Variants in MAP3K15 observed in about 807,000 individuals in gnomAD.
The protein encoded by MAP3K15 is MAPK/ERK kinase kinase 15.
Under a neutral mutation model 99.5 loss-of-function variants are expected in MAP3K15, and 124 were observed. The ratio of observed to expected loss-of-function variants is 1.25; its 90% CI spans 1.08 to 1.45. The LOEUF is 1.45. Ranked by LOEUF, MAP3K15 falls within the 40% of genes most tolerant of loss-of-function variation. The pLI is 0.00. For synonymous variants in MAP3K15, 494 were observed against 439.6 expected, an observed-to-expected ratio of 1.12 and a Z score of -1.55; for missense variants, 1,242 against 1,079.7, an observed-to-expected ratio of 1.15 and a Z score of -2.11.
Position 19,360,571 on chromosome X carries a change from T to TA in MAP3K15, c.*177dup, listed in dbSNP as rs760736313. The TA allele has an allele frequency of 1.1e-4, 43 of 406,304 alleles. No homozygotes were observed. The highest frequency in any genetic ancestry group is 1.4e-4 in the Non-Finnish European group (33 of 235,092). The allele number at this position is 406,304 out of a possible 1,213,427, so 33.5% of individuals were successfully genotyped here. On this transcript the variant is annotated 3_prime_UTR_variant, in exon 29 of 29. Transcript: ENST00000338883. ...CACAATACACACAGTTCTATGTTTA[T>TA]AAATAACAGGTTTCAAAAGAAACTC... is the stretch of plus-strand genomic sequence containing the variant.
In MAP3K15 at chrX:19,422,106, G is replaced by C. The variant is rs1339991085; in HGVS notation, c.1439+3425C>G. Among the ~76,000 whole-genome samples the C allele has an allele frequency of 5.5e-5, 6 of 109,962 alleles. No homozygotes were observed. In the East Asian group the frequency reaches 1.4e-3, roughly 26 times the overall value. ...AAGAAAACCTAGGCAATACCATTCAGGACATAGGCATGGGCAAGGACTTCA... is the reference window on the plus strand; with the variant it reads ...AAGAAAACCTAGGCAATACCATTCACGACATAGGCATGGGCAAGGACTTCA... On this transcript the variant is annotated intron_variant, in intron 9 of 28. Coordinates refer to ENST00000338883, the MANE Select transcript of MAP3K15 (RefSeq NM_001001671.4).
At chrX:19,413,956 T>G (rs1602285709) in intron 10 of MAP3K15, among the ~76,000 whole-genome samples, 2 of 105,354 alleles carry the variant, frequency 1.9e-5, no homozygotes, top group East Asian at 3.1e-4. Context: ...AGGTCAGGAG[T>G]TCGAGACCAG....
At chrX:19,447,756 C>T (rs886609077) in intron 6 of MAP3K15, among the ~76,000 whole-genome samples, 14 of 94,401 alleles carry the variant, frequency 1.5e-4, no homozygotes, top group African/African-American at 4.4e-4. Flanking sequence ...TAGTGGCGGG[C>T]GCCTGTAGTC....
At chrX:19,451,763 C>T (rs180969947) in intron 6 of MAP3K15, among the ~76,000 whole-genome samples, 420 of 110,067 alleles carry the variant, frequency 3.8e-3, no homozygotes, top group Non-Finnish European at 6.3e-3. Context: ...TTTACAGATT[C>T]CTCAAAAAAT....
At chrX:19,482,763 T>G (rs1247346876) in intron 3 of MAP3K15, among the ~76,000 whole-genome samples, 2 of 111,156 alleles carry the variant, frequency 1.8e-5, no homozygotes, top group Non-Finnish European at 3.8e-5. Context: ...AAATTATACC[T>G]ACATAAAGCA....
chrX:19,458,588 G>A (rs1188815704), intron 5 of MAP3K15, among the ~76,000 whole-genome samples: 2 of 111,922 alleles, frequency 1.8e-5, no homozygotes, highest in Non-Finnish European at 1.9e-5. Flanking sequence ...GCTGAGGCAG[G>A]AGAACTGCTT....
rs1047109372 is a variant in MAP3K15, at chrX:19,382,244, CAAAAAAAAAAA to C, written c.2432-1978_2432-1968del. 9.5e-5 allele frequency among the ~76,000 whole-genome samples: 3 copies of C among 31,569 alleles called. 1 individual carries two copies. The highest frequency in any genetic ancestry group is 1.1e-3 in the East Asian group (1 of 946). 27.4% of individuals were successfully genotyped at this position (31,569 alleles called of 115,157 possible). A position where few individuals can be genotyped will look rare whatever the true frequency, so the allele number is the denominator to read the frequency against. On this transcript the variant is annotated intron_variant, in intron 18 of 28. Transcript: ENST00000338883. ...TGGCGACAGAGCGAGACTCAGTCTC[CAAAAAAAAAAA>C]AAAAAAAAAAAAGGAAAGCAAAGGG... is the stretch of plus-strand genomic sequence containing the variant.
In MAP3K15 at chrX:19,362,808, A is replaced by T. The variant is rs1555937608; in HGVS notation, c.3609T>A (p.Asn1203Lys). Residue 1203 changes from asparagine to lysine, a missense_variant, in exon 26 of 29, where the codon AAT becomes AAA. Asn to Lys is a moderately conservative substitution (Grantham distance 94). Transcript: ENST00000338883. ...HLVEKEREYQ[N>K]LLRQTLEQKT... ...TCTGTTCTAGAGTTTGCCGCAGAAG[A>T]TTCTGGTACTCTCTCTCTTTTTCAA... is the stretch of plus-strand genomic sequence containing the variant. 1 of 1,184,629 alleles carries T rather than the reference A, an allele frequency of 8.4e-7. No homozygotes were observed. Among genetic ancestry groups the T allele is most frequent in the Non-Finnish European group, 1.1e-6 (1 of 875,492 alleles).
chrX:19,424,259 T>TATATATACACAC (rs1301385743), intron 9 of MAP3K15, among the ~76,000 whole-genome samples: 1 of 88,809 alleles, frequency 1.1e-5, no homozygotes, highest in Non-Finnish European at 2.1e-5. Context: ...TATATACACA[T>TATATATACACAC]ATATATACAC....
At chrX:19,377,575 C>T (rs1175981499) in intron 19 of MAP3K15, among the ~76,000 whole-genome samples, 2 of 111,336 alleles carry the variant, frequency 1.8e-5, no homozygotes, top group Non-Finnish European at 1.9e-5. Context: ...ACAGTGAATT[C>T]GCTAAACAAA....
intron 9 of MAP3K15, among the ~76,000 whole-genome samples, chrX:19,419,014 G>A (rs2063760772): frequency 8.9e-6 from 1 of 111,772 alleles, no homozygotes; most frequent in Non-Finnish European, 1.9e-5. Flanking sequence ...CACCAGGCCT[G>A]CCCTAAAAGA....
In MAP3K15 at chrX:19,413,447, T is replaced by G; in HGVS notation, c.1608A>C (p.Pro536=). Residue 536 remains proline, a synonymous_variant, in exon 11 of 29, where the codon CCA becomes CCC. Transcript: ENST00000338883. ...GLRFPVLVIE[P]TKVYQPSYVS... ...CATAAGAAGGCTGGTACACTTTGGT[T>G]GGCTCTATGACCAGAACCTGAAACA... 1 of 1,204,912 alleles carries G rather than the reference T, an allele frequency of 8.3e-7. No individual in the cohort carries two copies. Among genetic ancestry groups the G allele is most frequent in the South Asian group, 1.8e-5 (1 of 56,335 alleles).
In MAP3K15 at chrX:19,360,673, C is replaced by T; in HGVS notation, c.*76G>A. The stretch of plus-strand genomic sequence containing the variant: ...TTAAATATGTAAACACAGCGGAATT[C>T]GTGTATACACTAACAGAAGCTTTAA... On this transcript the variant is annotated 3_prime_UTR_variant, in exon 29 of 29. Transcript: ENST00000338883. 1.1e-5 allele frequency: 8 copies of T among 749,775 alleles called. No individual in the cohort carries two copies. The highest frequency in any genetic ancestry group is 9.6e-5 in the East Asian group (3 of 31,235). The allele number at this position is 749,775 out of a possible 1,213,427, so 61.8% of individuals were successfully genotyped here.
At chrX:19,441,309 AG>A (rs1414650331) in intron 6 of MAP3K15, among the ~76,000 whole-genome samples, 1 of 106,969 alleles carries the variant, frequency 9.3e-6, no homozygotes, top group South Asian at 4.3e-4. Flanking sequence ...GCTTAGGAAT[AG>A]GGGGGGAAGA....
intron 18 of MAP3K15, among the ~76,000 whole-genome samples, chrX:19,385,040 T>A (rs928901942): frequency 1.8e-5 from 2 of 111,707 alleles, no homozygotes; most frequent in Non-Finnish European, 3.8e-5. Context: ...AATAATGACA[T>A]TCATATTAGT....
chrX:19,481,659 A>C (rs1309361306), intron 3 of MAP3K15, among the ~76,000 whole-genome samples: 1 of 112,129 alleles, frequency 8.9e-6, no homozygotes, highest in Non-Finnish European at 1.9e-5. Flanking sequence ...ATGAATGACC[A>C]ATCAGCACAT....
At chrX:19,391,567 T>C (rs1602265366) in intron 18 of MAP3K15, among the ~76,000 whole-genome samples, 1 of 100,589 alleles carries the variant, frequency 9.9e-6, no homozygotes, top group African/African-American at 3.7e-5. Context: ...CCAAGCTACT[T>C]GGGAGGCTGA....
At chrX:19,447,649 C>T (rs1442146654) in intron 6 of MAP3K15, among the ~76,000 whole-genome samples, 3 of 106,597 alleles carry the variant, frequency 2.8e-5, no homozygotes, top group Non-Finnish European at 5.8e-5. Flanking sequence ...TTTGGGAGGC[C>T]GAGGCAGGCA....
chrX:19,483,451 T>C (rs1297826760), intron 3 of MAP3K15, among the ~76,000 whole-genome samples: 1 of 111,476 alleles, frequency 9.0e-6, no homozygotes, highest in Non-Finnish European at 1.9e-5. Context: ...GAGATCTCAA[T>C]GCATCTTGGT....
Sources: allele counts gnomAD v4.1 joint callset (sites outside exome capture counted in the v4.1 genomes callset), GRCh38; gene constraint gnomAD v4.1.1; transcripts MANE v1.5; gene names NCBI Gene and HGNC (gene_info 2026-07-23, HGNC 2026-07-21).